Variants in DMD observed in about 807,000 individuals in gnomAD.
DMD encodes dystrophin.
DMD carries 63 observed loss-of-function variants against 330.1 expected under a neutral mutation model. The ratio of observed to expected loss-of-function variants is 0.19; its 90% CI spans 0.16 to 0.24. The LOEUF (loss-of-function observed/expected upper bound fraction) is 0.24, where lower values mean the gene tolerates loss of function less well. Among genes scored for constraint, DMD ranks in the 10% least tolerant of loss-of-function variants. The probability of loss-of-function intolerance (pLI) is 1.00; values close to 1 mark genes in which losing one functional copy is unlikely to be tolerated. For missense variants in DMD, 3,344 were observed against 2,684.1 expected, an observed-to-expected ratio of 1.25 and a Z score of -5.43; for synonymous variants, 1,223 against 959.8, an observed-to-expected ratio of 1.27 and a Z score of -5.07.
chrX:32,432,246 CTG>C (rs2098241441), intron 29 of DMD, among the ~76,000 whole-genome samples: 1 of 111,563 alleles, frequency 9.0e-6, no homozygotes, highest in Non-Finnish European at 1.9e-5. Context: ...TATGTGGAAT[CTG>C]TGTTTAGCTC....
At chrX:32,533,984 G>A in intron 17 of DMD, among the ~76,000 whole-genome samples, 1 of 112,006 alleles carries the variant, frequency 8.9e-6, no homozygotes, top group Admixed American at 9.5e-5. Context: ...ATGCCCCACT[G>A]CCAGCATCAT....
intron 2 of DMD, among the ~76,000 whole-genome samples, chrX:32,865,693 C>G (rs2082424260): frequency 8.9e-6 from 1 of 112,455 alleles, no homozygotes; most frequent in Non-Finnish European, 1.9e-5. Flanking sequence ...GAAGCTCTTA[C>G]CATGTTTTGC....
intron 62 of DMD, among the ~76,000 whole-genome samples, chrX:31,303,316 A>G (rs1367157831): frequency 9.0e-6 from 1 of 111,134 alleles, no homozygotes; most frequent in African/African-American, 3.3e-5. Context: ...TTCTTTCTTT[A>G]GGTGCACACT....
intron 60 of DMD, among the ~76,000 whole-genome samples, chrX:31,428,903 C>T (rs1016885340): frequency 7.2e-5 from 8 of 111,342 alleles, no homozygotes; most frequent in African/African-American, 2.6e-4. Context: ...GGGCAGATCA[C>T]GAGGTCAGGA....
intron 44 of DMD, among the ~76,000 whole-genome samples, chrX:32,176,238 A>C (rs1315503203): frequency 9.0e-6 from 1 of 111,647 alleles, no homozygotes; most frequent in Non-Finnish European, 1.9e-5. Context: ...CCACTTTCTA[A>C]ATTGTTTTCC....
chrX:32,391,991 C>T (rs2098006087), intron 30 of DMD, among the ~76,000 whole-genome samples: 1 of 111,981 alleles, frequency 8.9e-6, no homozygotes, highest in African/African-American at 3.2e-5. Context: ...GATCAGAATA[C>T]ACACAATGCT....
At chrX:33,190,995 ATATATAATATTAT>A (rs2050597238) in intron 1 of DMD, among the ~76,000 whole-genome samples, 3 of 1,027 alleles carry the variant, frequency 2.9e-3, no homozygotes, top group Admixed American at 0.017. Flanking sequence ...TATATATATA[ATATATAATATTAT>A]ATATATATAT....
chrX:31,905,394 CA>C (rs1272826472), intron 47 of DMD, among the ~76,000 whole-genome samples: 6 of 110,909 alleles, frequency 5.4e-5, no homozygotes, highest in Non-Finnish European at 9.4e-5. Flanking sequence ...GGTGAAAAAG[CA>C]GGCATATTTT....
chrX:31,253,488 G>C (rs1422832885), intron 63 of DMD, among the ~76,000 whole-genome samples: 2 of 111,769 alleles, frequency 1.8e-5, no homozygotes, highest in Non-Finnish European at 3.8e-5. Flanking sequence ...AGCATCCTCA[G>C]GAGGGAATAC....
chrX:32,342,909 T>C, intron 40 of DMD: 1 of 452,674 alleles, frequency 2.2e-6, no homozygotes, highest in Non-Finnish European at 4.0e-6. Flanking sequence ...TCACATTTCT[T>C]AAATCACTTT....
intron 55 of DMD, among the ~76,000 whole-genome samples, chrX:31,523,691 C>T (rs985114913): frequency 8.9e-6 from 1 of 112,014 alleles, no homozygotes; most frequent in Non-Finnish European, 1.9e-5. Context: ...TGCATTCAGC[C>T]AGGGGCCTGC....
chrX:32,535,068 T>C (rs927815698), intron 17 of DMD, among the ~76,000 whole-genome samples: 2 of 111,655 alleles, frequency 1.8e-5, no homozygotes, highest in African/African-American at 6.5e-5. Flanking sequence ...GGAGACATTG[T>C]TTTTTAAATG....
At chrX:32,468,845 A>C (rs776131864) in intron 22 of DMD, 135 bp from the exon 23 acceptor site, 7 of 525,247 alleles carry the variant, frequency 1.3e-5, no homozygotes, top group Non-Finnish European at 2.2e-5. Flanking sequence ...ATCAGTTATA[A>C]ACTTCTAGTG....
chrX:31,600,524 T>G (rs1277154966), intron 55 of DMD, among the ~76,000 whole-genome samples: 4 of 102,451 alleles, frequency 3.9e-5, no homozygotes, highest in South Asian at 4.8e-4. Flanking sequence ...TTTTTTTTTT[T>G]TTTTTTTTTT....
At chrX:32,365,261 T>C in intron 34 of DMD, 62 bp from the exon 35 acceptor site, 2 of 1,099,537 alleles carry the variant, frequency 1.8e-6, no homozygotes, top group Non-Finnish European at 2.5e-6. Context: ...TTAATGCTTA[T>C]GAAACGGCTT....
At chrX:33,272,853 T>G (rs1300915096) in intron 1 of DMD, among the ~76,000 whole-genome samples, 4 of 111,344 alleles carry the variant, frequency 3.6e-5, no homozygotes, top group Non-Finnish European at 7.5e-5. Context: ...GAAACAAGCT[T>G]TAGTCACTTG....
At chrX:32,418,916 T>G (rs1409827613) in intron 29 of DMD, among the ~76,000 whole-genome samples, 2 of 90,594 alleles carry the variant, frequency 2.2e-5, no homozygotes, top group East Asian at 3.3e-4. Context: ...GAGCTGGCAG[T>G]GAGCTGAGAT....
At chrX:33,134,537 C>A (rs899363770) in intron 1 of DMD, among the ~76,000 whole-genome samples, 19 of 111,487 alleles carry the variant, frequency 1.7e-4, no homozygotes, top group African/African-American at 5.9e-4. Flanking sequence ...CTCACAGTGA[C>A]CACAGTTAAA....
At chrX:31,306,548 A>C (rs1397157678) in intron 62 of DMD, among the ~76,000 whole-genome samples, 1 of 112,101 alleles carries the variant, frequency 8.9e-6, no homozygotes, top group Non-Finnish European at 1.9e-5. Flanking sequence ...TAATCTGTTC[A>C]CTATAGCCAA....
Sources: allele counts gnomAD v4.1 joint callset (sites outside exome capture counted in the v4.1 genomes callset), GRCh38; gene constraint gnomAD v4.1.1; transcripts MANE v1.5; gene names NCBI Gene and HGNC (gene_info 2026-07-23, HGNC 2026-07-21).